The following PATJ variants were observed in gnomAD, a reference collection of about 807,000 sequenced individuals.
PATJ encodes the protein PATJ crumbs cell polarity complex component.
A neutral mutation model predicts 224.9 loss-of-function variants in PATJ; 190 were observed. That is an observed-to-expected ratio of 0.84 (90% CI 0.75 to 0.95). PATJ has a LOEUF of 0.95. PATJ is among the 40% of genes least tolerant of loss of function. The pLI, the probability that PATJ is intolerant of heterozygous loss-of-function variation, is 0.00. For missense variants in PATJ, 2,121 were observed against 2,270.3 expected (o/e 0.93, Z 1.34); for synonymous variants, 769 against 820.3 (o/e 0.94, Z 1.07).
intron 27 of PATJ, among the ~76,000 whole-genome samples, chr1:61,947,778 C>T (rs1477470510): frequency 6.6e-6 from 1 of 152,160 alleles, no homozygotes; most frequent in African/African-American, 2.4e-5. Flanking sequence ...GCAAAAAGAA[C>T]AAAGCTGGAG....
intron 17 of PATJ, 87 bp downstream of exon 17, chr1:61,833,872 T>C: frequency 8.1e-7 from 1 of 1,238,344 alleles, no homozygotes; most frequent in Non-Finnish European, 1.1e-6. Flanking sequence ...AAGACCCCTA[T>C]TGACTTAAGC....
intron 22 of PATJ, among the ~76,000 whole-genome samples, chr1:61,887,596 C>T (rs539693087): frequency 4.6e-5 from 7 of 152,248 alleles, no homozygotes; most frequent in African/African-American, 1.7e-4. Flanking sequence ...GTGTGGTATA[C>T]TTGGCAGAGA....
At chr1:62,014,121 T>C (rs570553671) in intron 28 of PATJ, among the ~76,000 whole-genome samples, 2 of 152,242 alleles carry the variant, frequency 1.3e-5, no homozygotes, top group African/African-American at 4.8e-5. Context: ...AGTAGTACAG[T>C]CATAGCTCAC....
rs184607685 is a variant in PATJ, at chr1:62,044,592, T to C, written c.4033-6374T>C. On this transcript the variant is annotated intron_variant, in intron 30 of 43. Coordinates refer to ENST00000642238, the MANE Select transcript of PATJ (RefSeq NM_001350145.3). ...AGGACAGCCTAAATCTTTTAGAATA[T>C]CTTCAATACAAACAAGGACCTCCTT... Among the ~76,000 whole-genome samples, 4 of 152,312 alleles carry C rather than the reference T, an allele frequency of 2.6e-5. No homozygotes were observed. The East Asian group carries it at 7.7e-4, about 29-fold the overall frequency.
intron 29 of PATJ, among the ~76,000 whole-genome samples, chr1:62,025,869 A>G (rs910044521): frequency 4.6e-5 from 7 of 152,210 alleles, no homozygotes; most frequent in Admixed American, 3.9e-4. Context: ...TAAACTTATT[A>G]GGCCAAGTCA....
intron 31 of PATJ, among the ~76,000 whole-genome samples, chr1:62,074,861 G>A (rs1457488283): frequency 6.6e-6 from 1 of 152,122 alleles, no homozygotes; most frequent in Non-Finnish European, 1.5e-5. Context: ...CTACTCAGGA[G>A]GCTGAGGCAG....
chr1:61,991,921 A>G (rs1171192063), intron 28 of PATJ: 1 of 164,728 alleles, frequency 6.1e-6, no homozygotes, highest in Admixed American at 6.5e-5. Context: ...TGCATTGTAC[A>G]TATTTGTATT....
In PATJ at chr1:62,068,286, G is replaced by A. The variant is rs545295275; in HGVS notation, c.4126-11164G>A. Among the ~76,000 whole-genome samples the A allele has an allele frequency of 1.3e-5, 2 of 152,278 alleles. 1 individual carries two copies. The highest frequency in any genetic ancestry group is 4.8e-5 in the African/African-American group (2 of 41,552). ...CAATTTGACATTACTTAGACAAAAG[G>A]AGAAATTTACTCAAGGGCTAGAGGT... On this transcript the variant is annotated intron_variant, in intron 31 of 43. Coordinates refer to ENST00000642238, the MANE Select transcript of PATJ (RefSeq NM_001350145.3).
chr1:61,930,113 G>A (rs1675802246), intron 27 of PATJ, among the ~76,000 whole-genome samples: 1 of 152,122 alleles, frequency 6.6e-6, no homozygotes, highest in Non-Finnish European at 1.5e-5. Flanking sequence ...TATGTTGGCT[G>A]TATATATTAC....
At chr1:62,042,493 A>G (rs964263681) in intron 30 of PATJ, among the ~76,000 whole-genome samples, 1 of 152,188 alleles carries the variant, frequency 6.6e-6, no homozygotes, top group Non-Finnish European at 1.5e-5. Flanking sequence ...GCTAAAAGAG[A>G]CAGCCCATTC....
At chr1:61,810,934 C>T (rs1227226745) in intron 14 of PATJ, among the ~76,000 whole-genome samples, 1 of 151,882 alleles carries the variant, frequency 6.6e-6, no homozygotes, top group African/African-American at 2.4e-5. Flanking sequence ...CAAAGACAAA[C>T]ACCTCATCAA....
chr1:61,947,342 C>T (rs981149640), intron 27 of PATJ, among the ~76,000 whole-genome samples: 3 of 152,186 alleles, frequency 2.0e-5, no homozygotes, highest in African/African-American at 7.2e-5. Context: ...CCAAAATCTC[C>T]TTAAGCTGAT....
chr1:62,138,138 T>C (rs1044963702), intron 41 of PATJ, among the ~76,000 whole-genome samples: 1 of 152,318 alleles, frequency 6.6e-6, no homozygotes, highest in East Asian at 1.9e-4. Flanking sequence ...GTTCATTAAA[T>C]GCCTAGTGAG....
intron 28 of PATJ, among the ~76,000 whole-genome samples, chr1:62,004,813 C>T (rs1252843138): frequency 2.6e-5 from 4 of 152,144 alleles, no homozygotes; most frequent in Non-Finnish European, 4.4e-5. Flanking sequence ...ATCCCACCAG[C>T]GATATGATCA....
chr1:61,888,146 G>A (rs1449997332), intron 22 of PATJ, among the ~76,000 whole-genome samples: 4 of 152,346 alleles, frequency 2.6e-5, no homozygotes, highest in African/African-American at 9.6e-5. Flanking sequence ...GTGTCCTAAT[G>A]TGATATCCGG....
At chr1:61,871,391 ATATATATATGTG>A (rs1202801266) in intron 20 of PATJ, among the ~76,000 whole-genome samples, 1 of 121,628 alleles carries the variant, frequency 8.2e-6, no homozygotes, top group African/African-American at 3.2e-5. Context: ...TTTTGTGTAT[ATATATATATGTG>A]TATATATATA....
intron 27 of PATJ, among the ~76,000 whole-genome samples, chr1:61,959,574 G>A (rs888852879): frequency 6.6e-6 from 1 of 150,394 alleles, no homozygotes; most frequent in Non-Finnish European, 1.5e-5. Context: ...AGCTGGGACC[G>A]ACCACAGGTG....
chr1:62,147,319 C>T (rs898332838), intron 41 of PATJ, among the ~76,000 whole-genome samples: 6 of 151,996 alleles, frequency 3.9e-5, no homozygotes, highest in African/African-American at 1.2e-4. Flanking sequence ...GGAAAATAAA[C>T]TAGTGAATTG....
At chr1:61,982,063 G>A (rs1247832435) in intron 27 of PATJ, among the ~76,000 whole-genome samples, 1 of 152,030 alleles carries the variant, frequency 6.6e-6, no homozygotes, top group Non-Finnish European at 1.5e-5. Context: ...GGAGAAGGGA[G>A]GGAGGTCAGA....
Sources: allele counts gnomAD v4.1 joint callset (sites outside exome capture counted in the v4.1 genomes callset), GRCh38; gene constraint gnomAD v4.1.1; transcripts MANE v1.5; gene names NCBI Gene and HGNC (gene_info 2026-07-23, HGNC 2026-07-21).